Variants in CYB5R3 observed in about 807,000 individuals in gnomAD.
CYB5R3 encodes the protein cytochrome b5 reductase 3, also known as NADH-cytochrome b5 reductase 3.
A neutral mutation model predicts 36.5 loss-of-function variants in CYB5R3; 28 were observed. The ratio of observed to expected loss-of-function variants is 0.77; its 90% CI spans 0.57 to 1.05. The LOEUF is 1.05. Ranked by LOEUF, CYB5R3 falls within the 50% of genes least tolerant of loss-of-function variation. The pLI is 0.00. For synonymous variants in CYB5R3, 181 were observed against 159.8 expected (o/e 1.13, Z -1.00); for missense variants, 474 against 408.9 (o/e 1.16, Z -1.37).
At chr22:42,631,688 G>A in intron 2 of CYB5R3, 2 of 583,616 alleles carry the variant, frequency 3.4e-6, no homozygotes, top group South Asian at 4.0e-5. Context: ...GCCTAGAGGG[G>A]CCACAAACAA....
intron 1 of CYB5R3, 157 bp from the exon 2 acceptor site, chr22:42,637,003 G>A: frequency 2.0e-6 from 2 of 1,011,402 alleles, no homozygotes; most frequent in Non-Finnish European, 3.0e-6. Context: ...ATCCATTTTG[G>A]TGCCCACTAG....
chr22:42,620,196 T>C (rs1192140129), intron 8 of CYB5R3, among the ~76,000 whole-genome samples: 1 of 152,158 alleles, frequency 6.6e-6, no homozygotes, highest in African/African-American at 2.4e-5. Flanking sequence ...AGCCTTTTGC[T>C]TCCATTTGGC....
chr22:42,637,339 C>T (rs1928952328), intron 1 of CYB5R3, among the ~76,000 whole-genome samples: 1 of 152,212 alleles, frequency 6.6e-6, no homozygotes, highest in Non-Finnish European at 1.5e-5. Flanking sequence ...AAGGCCTACA[C>T]TGACCAAATG....
intron 2 of CYB5R3, among the ~76,000 whole-genome samples, chr22:42,633,920 C>G (rs1335017011): frequency 6.6e-6 from 1 of 151,878 alleles, no homozygotes; most frequent in Non-Finnish European, 1.5e-5. Context: ...AGACCTTGTT[C>G]TAAAAAAACA....
At chr22:42,639,815 T>C (rs1251633895) in intron 1 of CYB5R3, 2 of 932,330 alleles carry the variant, frequency 2.1e-6, no homozygotes, top group Non-Finnish European at 1.6e-6. Flanking sequence ...AGTTGACCCT[T>C]GAACATGGGT....
intron 8 of CYB5R3, among the ~76,000 whole-genome samples, chr22:42,622,352 C>T (rs1465450399): frequency 6.6e-6 from 1 of 152,074 alleles, no homozygotes; most frequent in Non-Finnish European, 1.5e-5. Flanking sequence ...CATAACCGCG[C>T]TATAATTTAC....
intron 2 of CYB5R3, chr22:42,633,091 C>T (rs1440258749): frequency 6.6e-6 from 1 of 152,324 alleles, no homozygotes; most frequent in East Asian, 1.9e-4. Context: ...TCTAGTAGGG[C>T]AGCAGGGTGG....
At chr22:42,621,213 T>TGC (rs1044018085) in intron 8 of CYB5R3, among the ~76,000 whole-genome samples, 4 of 151,826 alleles carry the variant, frequency 2.6e-5, no homozygotes, top group Admixed American at 2.0e-4. Flanking sequence ...TGTGTGTGTG[T>TGC]GTGTGTTTTT....
At chr22:42,626,274 C>T (rs1017412433) in intron 7 of CYB5R3, among the ~76,000 whole-genome samples, 10 of 152,314 alleles carry the variant, frequency 6.6e-5, no homozygotes, top group Non-Finnish European at 8.8e-5. Context: ...TGTGCCATTG[C>T]ACTCCAGCCT....
At chr22:42,646,467 G>A (rs771752390) in intron 1 of CYB5R3, among the ~76,000 whole-genome samples, 10 of 152,098 alleles carry the variant, frequency 6.6e-5, no homozygotes, top group African/African-American at 1.2e-4. Flanking sequence ...AATGCCCTGC[G>A]CAGCTGCCCA....
chr22:42,637,616 TG>T (rs1206811580), intron 1 of CYB5R3, among the ~76,000 whole-genome samples: 1 of 151,584 alleles, frequency 6.6e-6, no homozygotes, highest in East Asian at 1.9e-4. Context: ...GTGGACCAGG[TG>T]ATCTGCAAGG....
At chr22:42,627,174 A>G in intron 7 of CYB5R3, 130 bp downstream of exon 7, 2 of 806,510 alleles carry the variant, frequency 2.5e-6, no homozygotes, top group Non-Finnish European at 4.2e-6. Context: ...CAGAACATTC[A>G]GGGCCCCCCA....
At position 42,639,976 on chromosome 22, in the gene CYB5R3, C is replaced by G. The variant is rs779995614; in HGVS notation, c.22-3130G>C. 1.8e-5 allele frequency: 29 copies of G among 1,611,026 alleles called. No homozygotes were observed. In the South Asian group the frequency reaches 3.0e-4, roughly 16 times the overall value. On this transcript the variant is annotated intron_variant, in intron 1 of 8. Coordinates refer to ENST00000352397, the MANE Select transcript of CYB5R3 (RefSeq NM_000398.7). ...TAAGACTGGTCTTCAAACATTCTAG[C>G]CAATGATGCCACGCTTGCCTGTGAT... is the stretch of plus-strand genomic sequence containing the variant.
intron 3 of CYB5R3, 61 bp from the exon 4 acceptor site, chr22:42,631,049 T>C: frequency 6.9e-7 from 1 of 1,443,578 alleles, no homozygotes; most frequent in Non-Finnish European, 9.7e-7. Context: ...CCCCTGGGTC[T>C]TGTCAACCCA....
chr22:42,648,709 G>C (rs962520618), intron 1 of CYB5R3, among the ~76,000 whole-genome samples: 1 of 152,150 alleles, frequency 6.6e-6, no homozygotes, highest in African/African-American at 2.4e-5. Context: ...CTGAGCATTG[G>C]GAGGATGCCC....
chr22:42,618,638 G>A lies in CYB5R3; in HGVS notation c.*1135C>T, dbSNP rs1047134585. 2.7e-5 allele frequency: 4 copies of A among 150,574 alleles called. No homozygotes were observed. Among genetic ancestry groups the A allele is most frequent in the East Asian group, 1.9e-4 (1 of 5,152 alleles). The allele number at this position is 150,574 out of a possible 1,614,324, so 9.3% of individuals were successfully genotyped here. ...TGAGGCAGGAGAATCGCTTGAACCC[G>A]AGAGGTGGAGGTTGTAGTGAGCTGA... On this transcript the variant is annotated 3_prime_UTR_variant, in exon 9 of 9. Coordinates refer to ENST00000352397, the MANE Select transcript of CYB5R3 (RefSeq NM_000398.7).
chr22:42,642,871 C>T (rs940800103), intron 1 of CYB5R3, among the ~76,000 whole-genome samples: 7 of 152,154 alleles, frequency 4.6e-5, no homozygotes, highest in Non-Finnish European at 8.8e-5. Flanking sequence ...GTTTATACAC[C>T]CTCCCCATAT....
Position 42,623,176 on chromosome 22 carries a change from A to G in CYB5R3, c.733+613T>C, listed in dbSNP as rs539043333. Among the ~76,000 whole-genome samples, 9 of 152,330 alleles carry G rather than the reference A, an allele frequency of 5.9e-5. No homozygotes were observed. The South Asian group carries it at 1.9e-3, about 32-fold the overall frequency. On this transcript the variant is annotated intron_variant, in intron 8 of 8. Transcript: ENST00000352397. ...AGAAATTGAGATATTACTTATACCT[A>G]CATCTCTATCTGAAGCCGAAAAGGG... is the stretch of plus-strand genomic sequence containing the variant.
In CYB5R3 at chr22:42,631,387, G is replaced by A. The variant is rs1277969858; in HGVS notation, c.217C>T (p.Leu73Phe). ...ALPSPQHILGLPVGQHIYLSA... is the reference protein window; with the variant it reads ...ALPSPQHILGFPVGQHIYLSA... Reference sequence around the variant, plus strand: ...CAGGGGCGTGACTCACCGACAGGGAGGCCCAGGATGTGCTGGGGTGACGGC... The same window carrying A: ...CAGGGGCGTGACTCACCGACAGGGAAGCCCAGGATGTGCTGGGGTGACGGC... The change falls in exon 3 of 9, where the codon CTC becomes TTC. Residue 73 changes from leucine to phenylalanine, a missense_variant. Transcript: ENST00000352397. 1 of 1,551,610 alleles carries A rather than the reference G, an allele frequency of 6.4e-7. No homozygotes were observed. Among genetic ancestry groups the A allele is most frequent in the Non-Finnish European group, 8.7e-7 (1 of 1,146,958 alleles).
Sources: gnomAD v4.1 joint callset for allele counts (sites outside exome capture counted in the v4.1 genomes callset) on GRCh38, gnomAD v4.1.1 for gene constraint, MANE v1.5 for transcripts, NCBI Gene and HGNC (gene_info 2026-07-23, HGNC 2026-07-21) for gene names.